The following NLRP3 variants were observed in gnomAD, a reference collection of about 807,000 sequenced individuals.
NLRP3 encodes NLR family pyrin domain containing 3.
Under a neutral mutation model 91.3 loss-of-function variants are expected in NLRP3, and 48 were observed. That is an observed-to-expected ratio of 0.53 (90% confidence interval 0.42 to 0.67). The LOEUF (loss-of-function observed/expected upper bound fraction) is 0.67, where lower values mean the gene tolerates loss of function less well. NLRP3 is among the 30% of genes least tolerant of loss of function. The pLI is 0.00. For missense variants in NLRP3, 982 were observed against 1,276.9 expected (o/e 0.77, Z 3.52); for synonymous variants, 561 against 507.9 (o/e 1.10, Z -1.41).
Position 247,425,077 on chromosome 1 carries a change from A to G in NLRP3, c.1628A>G (p.Asn543Ser). Reference protein sequence around the residue: ...LLEEEKEGRTNVPGSRLKLPS... With the variant: ...LLEEEKEGRTSVPGSRLKLPS... ...GAAGAGGAAAAGGAAGGAAGGACGA[A>G]CGTTCCAGGGAGTCGTTTGAAGCTT... The change falls in exon 4 of 10, where the codon AAC becomes AGC. Residue 543 changes from asparagine (N) to serine (S), a missense_variant. Coordinates refer to ENST00000336119, the MANE Select transcript of NLRP3 (RefSeq NM_001243133.2). This position sits in a 1 kb window ranked among gnomAD's most constrained non-coding sequence, Gnocchi z 4.1. The G allele has an allele frequency of 6.2e-7, 1 of 1,614,162 alleles. No homozygotes were observed. The highest frequency in any genetic ancestry group is 8.5e-7 in the Non-Finnish European group (1 of 1,180,014).
In NLRP3 at chr1:247,437,803, C is replaced by G. The variant is rs557250564; in HGVS notation, c.2663+1663C>G. Among the ~76,000 whole-genome samples, 6 of 152,354 alleles carry G rather than the reference C, an allele frequency of 3.9e-5. No homozygotes were observed. The South Asian group carries it at 1.2e-3, about 32-fold the overall frequency. On this transcript the variant is annotated intron_variant, in intron 7 of 9. Transcript: ENST00000336119. ...TGACGGCGAGGGGTGCTTCTCTGCT[C>G]ACGTTTGGCGAGTGCCTCTCCGAGC...
chr1:247,424,692 A>T lies in NLRP3; in HGVS notation c.1243A>T (p.Ile415Phe). 1 of 1,614,232 alleles carries T rather than the reference A, an allele frequency of 6.2e-7. No homozygotes were observed. Among genetic ancestry groups the T allele is most frequent in the Non-Finnish European group, 8.5e-7 (1 of 1,180,042 alleles). The change falls in exon 4 of 10, where the codon ATC (isoleucine) becomes TTC (phenylalanine). Residue 415 changes from isoleucine to phenylalanine, a missense_variant. Around this residue, in one of 5 missense-constraint regions of NLRP3, gnomAD observed 548 missense variants for 713.7 expected, o/e 0.77. Transcript: ENST00000336119. The surrounding 1 kb of genome is among the most constrained non-coding windows in gnomAD (Gnocchi z 8.1). ...TMCFIPLVCWIVCTGLKQQME... is the reference protein window; with the variant it reads ...TMCFIPLVCWFVCTGLKQQME... ...GTGCTTCATCCCCCTGGTCTGCTGG[A>T]TCGTGTGCACTGGACTGAAACAGCA... is the stretch of plus-strand genomic sequence containing the variant.
rs1662805725 is a variant in NLRP3, at chr1:247,425,499, A to G, written c.2050A>G (p.Asn684Asp). The change falls in exon 4 of 10, where the codon AAC becomes GAC. Residue 684 changes from asparagine to aspartate, a missense_variant. Asn to Asp is a conservative substitution (Grantham distance 23). This residue lies in a region of NLRP3 where 373 missense variants were observed against 431.5 expected (regional missense o/e 0.86). Coordinates refer to ENST00000336119, the MANE Select transcript of NLRP3 (RefSeq NM_001243133.2). This position sits in a 1 kb window ranked among gnomAD's most constrained non-coding sequence, Gnocchi z 4.1. ...VESLSLGFLH[N>D]MPKEEEEEEK... is the part of the protein sequence containing the mutation. ...GTCACTGTCCCTGGGGTTTCTCCATAACATGCCCAAGGAGGAAGAGGAGGA... is the reference window on the plus strand; with the variant it reads ...GTCACTGTCCCTGGGGTTTCTCCATGACATGCCCAAGGAGGAAGAGGAGGA... 9 of 1,614,120 alleles carry G rather than the reference A, an allele frequency of 5.6e-6. No individual in the cohort carries two copies. Among genetic ancestry groups the G allele is most frequent in the Non-Finnish European group, 7.6e-6 (9 of 1,180,028 alleles).
chr1:247,416,790 G>A lies in NLRP3; in HGVS notation c.-749+597G>A, dbSNP rs891416368. On this transcript the variant is annotated intron_variant, in intron 1 of 9. Transcript: ENST00000336119. ...CAGGAGGCGAGGAGTAGATAGGCAG[G>A]AATGGAGATGGGACGGGAGAGATGA... 2.0e-5 allele frequency among the ~76,000 whole-genome samples: 3 copies of A among 152,158 alleles called. No homozygotes were observed. In the East Asian group the frequency reaches 5.8e-4, roughly 29 times the overall value.
chr1:247,418,564 A>G lies in NLRP3; in HGVS notation c.-237A>G. 1.2e-5 allele frequency: 6 copies of G among 519,706 alleles called. No homozygotes were observed. In the South Asian group the frequency reaches 1.2e-4, roughly 11 times the overall value. 32.2% of individuals were successfully genotyped at this position (519,706 alleles called of 1,614,324 possible). A position where few individuals can be genotyped will look rare whatever the true frequency, so the allele number is the denominator to read the frequency against. ...TGATCTGCCTGCCTTGGCCTCTCAA[A>G]GTGCTGGGATTACAGGCGTGAGCCA... On this transcript the variant is annotated 5_prime_UTR_variant, in exon 2 of 10. Coordinates refer to ENST00000336119, the MANE Select transcript of NLRP3 (RefSeq NM_001243133.2).
intron 9 of NLRP3, 145 bp downstream of exon 9, chr1:247,444,966 A>C (rs1664497638): frequency 1.3e-6 from 1 of 761,600 alleles, no homozygotes; most frequent in African/African-American, 1.7e-5. Context: ...TGGATATTTT[A>C]AAATAGAGAA....
intron 7 of NLRP3, among the ~76,000 whole-genome samples, chr1:247,443,172 C>G (rs1414444508): frequency 6.6e-6 from 1 of 152,054 alleles, no homozygotes; most frequent in East Asian, 1.9e-4. Context: ...ATCCACCCTC[C>G]CAAAGTGCTG....
rs1662804522 is a variant in NLRP3, at chr1:247,425,476, C to G, written c.2027C>G (p.Ser676Ter). ...FCIENCHRVE[S>*]LSLGFLHNMP... ...ATTGAGAACTGTCATCGGGTGGAGT[C>G]ACTGTCCCTGGGGTTTCTCCATAAC... Residue 676 changes from serine (S) to a stop codon, truncating the protein, a stop_gained, in exon 4 of 10, where the codon TCA becomes TGA. Coordinates refer to ENST00000336119, the MANE Select transcript of NLRP3 (RefSeq NM_001243133.2). LOFTEE classifies it high-confidence loss of function. This position sits in a 1 kb window ranked among gnomAD's most constrained non-coding sequence, Gnocchi z 4.1. 1.2e-6 allele frequency: 2 copies of G among 1,614,186 alleles called. No individual in the cohort carries two copies. The highest frequency in any genetic ancestry group is 1.7e-6 in the Non-Finnish European group (2 of 1,180,044).
intron 4 of NLRP3, among the ~76,000 whole-genome samples, chr1:247,426,652 G>T (rs1470272178): frequency 6.6e-6 from 1 of 152,234 alleles, no homozygotes; most frequent in Non-Finnish European, 1.5e-5. Flanking sequence ...CCGCAGTGGT[G>T]GTGAAGACCC....
chr1:247,433,442 A>G (rs541495287), intron 5 of NLRP3, among the ~76,000 whole-genome samples: 1 of 152,350 alleles, frequency 6.6e-6, no homozygotes, highest in South Asian at 2.1e-4. Flanking sequence ...CTTACAAACC[A>G]GGAGCGCACC....
chr1:247,443,353 G>A (rs1269845353), intron 7 of NLRP3, among the ~76,000 whole-genome samples: 2 of 152,224 alleles, frequency 1.3e-5, no homozygotes, highest in Admixed American at 6.5e-5. Context: ...CCTCTCCAAC[G>A]TGGTTGAGGG....
chr1:247,448,576 C>A lies in NLRP3; in HGVS notation c.*72C>A. The A allele has an allele frequency of 1.1e-6, 1 of 902,862 alleles. No homozygotes were observed. The highest frequency in any genetic ancestry group is 1.9e-6 in the Non-Finnish European group (1 of 532,128). The allele number at this position is 902,862 out of a possible 1,614,324, so 55.9% of individuals were successfully genotyped here. On this transcript the variant is annotated 3_prime_UTR_variant, in exon 10 of 10. Transcript: ENST00000336119. ...GCTGGGGGCCCTCAGGTGGAGAGAG[C>A]TGCGATCCATCCAGGCCAAGACCAC...
chr1:247,422,737 C>T (rs989827395), intron 2 of NLRP3, among the ~76,000 whole-genome samples: 1 of 152,172 alleles, frequency 6.6e-6, no homozygotes, highest in African/African-American at 2.4e-5. Context: ...ATAGACTGGT[C>T]GTTCTCACTC....
At chr1:247,422,035 A>G (rs1029721636) in intron 2 of NLRP3, among the ~76,000 whole-genome samples, 12 of 152,214 alleles carry the variant, frequency 7.9e-5, no homozygotes, top group Middle Eastern at 3.4e-3. Context: ...TTTGGCTTAG[A>G]TTTTTTGGAT....
chr1:247,418,959 C>A lies in NLRP3; in HGVS notation c.159C>A (p.Ala53=), dbSNP rs200788923. 6.8e-6 allele frequency: 11 copies of A among 1,614,026 alleles called. No individual in the cohort carries two copies. The African/African-American group carries it at 1.3e-4, about 20-fold the overall frequency. ...QTEKADHVDL[A]TLMIDFNGEE... is the part of the protein sequence containing the mutation. ...AGAAGGCAGACCATGTGGATCTAGC[C>A]ACGCTAATGATCGACTTCAATGGGG... Residue 53 remains alanine (A), a synonymous_variant, in exon 2 of 10, where the codon GCC becomes GCA. Transcript: ENST00000336119.
At chr1:247,444,908 C>G (rs950775743) in intron 9 of NLRP3, 87 bp downstream of exon 9, 1 of 1,409,730 alleles carries the variant, frequency 7.1e-7, no homozygotes, top group Non-Finnish European at 9.9e-7. Context: ...ATGGCTCTCG[C>G]TTCATTTGCA....
intron 7 of NLRP3, among the ~76,000 whole-genome samples, chr1:247,443,037 T>C (rs1664331581): frequency 6.6e-6 from 1 of 152,144 alleles, no homozygotes; most frequent in South Asian, 2.1e-4. Context: ...GCAATTCTCC[T>C]GCCTCAGCCT....
At position 247,434,168 on chromosome 1, in the gene NLRP3, A is replaced by G. The variant is rs2103162880; in HGVS notation, c.2387A>G (p.Gln796Arg). The part of the protein sequence containing the change: ...FDISLVLSSN[Q>R]KLVELDLSDN... ...ATCTCCTTGGTCCTCAGCAGCAACC[A>G]GAAGCTGGTGGAGCTGGACCTGAGT... The change falls in exon 6 of 10, where the codon CAG (glutamine) becomes CGG (arginine). Residue 796 changes from glutamine (Q) to arginine (R), a missense_variant. Gln to Arg is a conservative substitution (Grantham distance 43). Around this residue, in one of 5 missense-constraint regions of NLRP3, gnomAD observed 373 missense variants for 431.5 expected, o/e 0.86. Transcript: ENST00000336119. The G allele has an allele frequency of 6.2e-7, 1 of 1,614,276 alleles. No homozygotes were observed. The highest frequency in any genetic ancestry group is 8.5e-7 in the Non-Finnish European group (1 of 1,180,048).
chr1:247,426,890 G>T (rs1185077908), intron 4 of NLRP3, among the ~76,000 whole-genome samples: 1 of 152,184 alleles, frequency 6.6e-6, no homozygotes, highest in Non-Finnish European at 1.5e-5. Flanking sequence ...CAGGCTGGGG[G>T]CTTACGGTGT....
Sources: allele counts gnomAD v4.1 joint callset (sites outside exome capture counted in the v4.1 genomes callset), GRCh38; gene constraint gnomAD v4.1.1; regional missense constraint gnomAD v4.1.1; non-coding constraint Gnocchi (gnomAD v3.1); transcripts MANE v1.5; gene names NCBI Gene and HGNC (gene_info 2026-07-23, HGNC 2026-07-21).